Variants in HLA-F observed in about 807,000 individuals in gnomAD.
The protein encoded by HLA-F is major histocompatibility complex, class I, F.
Under a neutral mutation model 49.5 loss-of-function variants are expected in HLA-F, and 46 were observed. The observed-to-expected ratio is 0.93, with a 90% CI of 0.73 to 1.19. HLA-F has a LOEUF of 1.19. HLA-F is among the 50% of genes most tolerant of loss of function. The pLI, the probability that HLA-F is intolerant of heterozygous loss-of-function variation, is 0.00. For missense variants in HLA-F, 496 were observed against 579.6 expected (o/e 0.86, Z 1.48); for synonymous variants, 203 against 233.5 (o/e 0.87, Z 1.19).
At chr6:29,736,221 A>G (rs746454312) in intron 3 of HLA-F, 20 of 359,590 alleles carry the variant, frequency 5.6e-5, no homozygotes, top group Non-Finnish European at 8.7e-5. Flanking sequence ...CTGGGGCATC[A>G]TTTCACACCC....
chr6:29,726,155 G>A (rs761402078), intron 6 of HLA-F, 112 bp downstream of exon 6: 3 of 1,155,696 alleles, frequency 2.6e-6, no homozygotes, highest in Admixed American at 1.7e-5. Context: ...GCTCTGACCA[G>A]GTCCTGTTTT....
In HLA-F at chr6:29,727,225, T is replaced by C; in HGVS notation, c.*50T>C. 2 of 1,116,676 alleles carry C rather than the reference T, an allele frequency of 1.8e-6. No homozygotes were observed. Among genetic ancestry groups the C allele is most frequent in the South Asian group, 1.5e-5 (1 of 65,630 alleles). 69.2% of individuals were successfully genotyped at this position (1,116,676 alleles called of 1,614,324 possible). On this transcript the variant is annotated 3_prime_UTR_variant, in exon 7 of 7. Transcript: ENST00000259951. ...CCCATGATACTAGACCACTAAATAC[T>C]TCATCACACACCTCCTAAGAATAAG...
intron 4 of HLA-F, chr6:29,738,360 G>A (rs1371321741): frequency 6.6e-6 from 1 of 152,090 alleles, no homozygotes; most frequent in Admixed American, 6.5e-5. Context: ...GGTTCTCCCT[G>A]GTTCTTCAAT....
chr6:29,724,387 C>G lies in HLA-F; in HGVS notation c.549C>G (p.Gly183=). The change falls in exon 3 of 7, where the codon GGC becomes GGG. Residue 183 remains glycine (G), a synonymous_variant. Transcript: ENST00000259951. The part of the protein sequence containing the change: ...YAEEFRTYLE[G]ECLELLRRYL... The stretch of plus-strand genomic sequence containing the variant: ...AGGAGTTCAGGACCTACCTGGAGGG[C>G]GAGTGCCTGGAGTTGCTCCGCAGAT... The G allele has an allele frequency of 6.2e-7, 1 of 1,613,226 alleles. No homozygotes were observed. Among genetic ancestry groups the G allele is most frequent in the Non-Finnish European group, 8.5e-7 (1 of 1,180,024 alleles).
chr6:29,728,637 A>G (rs1776324286), downstream of HLA-F: 1 of 152,256 alleles, frequency 6.6e-6, no homozygotes, highest in Non-Finnish European at 1.5e-5. Context: ...CCAATGTCAA[A>G]TTCCATCAAA....
chr6:29,725,624 A>C, intron 5 of HLA-F, 61 bp downstream of exon 5: 12 of 1,386,074 alleles, frequency 8.7e-6, no homozygotes, highest in African/African-American at 1.4e-5. Context: ...TGCAAGCCCC[A>C]AGTAGAAGTG....
At chr6:29,737,237 A>AG (rs1467322895) in intron 3 of HLA-F, among the ~76,000 whole-genome samples, 2 of 150,452 alleles carry the variant, frequency 1.3e-5, no homozygotes, top group African/African-American at 4.9e-5. Context: ...AAAAAAAAAA[A>AG]AAAACCCTGA....
chr6:29,728,092 T>TC, downstream of HLA-F: 1 of 518,934 alleles, frequency 1.9e-6, no homozygotes, highest in South Asian at 1.4e-5. Context: ...GCTACCAGCA[T>TC]CTTGTGGGGA....
intron 3 of HLA-F, among the ~76,000 whole-genome samples, chr6:29,733,217 C>T (rs1245530786): frequency 7.9e-6 from 1 of 126,346 alleles, no homozygotes; most frequent in Non-Finnish European, 1.8e-5. Context: ...AAAAACAAAC[C>T]ACCACCAACA....
At chr6:29,726,768 G>C (rs1233008660) in intron 6 of HLA-F, 115 bp from the exon 7 acceptor site, 1 of 1,272,686 alleles carries the variant, frequency 7.9e-7, no homozygotes, top group Non-Finnish European at 1.1e-6. Flanking sequence ...TCAGAGTGTT[G>C]ACTTTGGCCA....
At chr6:29,726,244 G>A (rs1776057624) in intron 6 of HLA-F, 2 of 944,982 alleles carry the variant, frequency 2.1e-6, no homozygotes, top group Non-Finnish European at 1.8e-6. Flanking sequence ...TCCAGGGCAG[G>A]GGCCCTGATG....
At chr6:29,726,291 C>G (rs1776070887) in intron 6 of HLA-F, 1 of 1,167,958 alleles carries the variant, frequency 8.6e-7, no homozygotes, top group Non-Finnish European at 1.3e-6. Flanking sequence ...GGGGACTCAG[C>G]TGTGCTATTG....
At chr6:29,724,024 G>T in intron 2 of HLA-F, 97 bp downstream of exon 2, 1 of 1,547,562 alleles carries the variant, frequency 6.5e-7, no homozygotes, top group Non-Finnish European at 8.7e-7. Flanking sequence ...AATCTACCCC[G>T]AGGCAGCGGG....
intron 3 of HLA-F, among the ~76,000 whole-genome samples, chr6:29,733,508 C>T (rs933670707): frequency 3.3e-5 from 5 of 152,202 alleles, no homozygotes; most frequent in Non-Finnish European, 7.4e-5. Flanking sequence ...GTCCCAGCTA[C>T]TCAGGAGGCT....
chr6:29,727,822 G>T (rs11758975), downstream of HLA-F: 1 of 415,330 alleles, frequency 2.4e-6, no homozygotes, highest in South Asian at 1.8e-5. Context: ...ACGAGCTTTA[G>T]TTCCCCATAC....
rs1413858773 is a variant in HLA-F, at chr6:29,725,197, T to C, written c.777T>C (p.Asp259=). The change falls in exon 4 of 7, where the codon GAT becomes GAC. Residue 259 remains aspartate (D), a synonymous_variant. Coordinates refer to ENST00000259951, the MANE Select transcript of HLA-F (RefSeq NM_001098479.2). The part of the protein sequence containing the change: ...TELVETRPAG[D]GTFQKWAAVV... ...TTGTGGAGACCAGGCCTGCAGGGGATGGAACCTTCCAGAAGTGGGCCGCTG... is the reference window on the plus strand; with the variant it reads ...TTGTGGAGACCAGGCCTGCAGGGGACGGAACCTTCCAGAAGTGGGCCGCTG... 6.2e-7 allele frequency: 1 copy of C among 1,613,908 alleles called. No homozygotes were observed. The highest frequency in any genetic ancestry group is 8.5e-7 in the Non-Finnish European group (1 of 1,179,928).
chr6:29,727,184 A>G lies in HLA-F; in HGVS notation c.*9A>G, dbSNP rs769185367. The G allele has an allele frequency of 4.5e-6, 7 of 1,561,516 alleles. No individual in the cohort carries two copies. The Admixed American group carries it at 1.4e-4, about 31-fold the overall frequency. ...TTAAGATTTTTGACTGAGTCATTCT[A>G]AAGTAAGTTGCAAGACCCATGATAC... On this transcript the variant is annotated 3_prime_UTR_variant, in exon 7 of 7. Coordinates refer to ENST00000259951, the MANE Select transcript of HLA-F (RefSeq NM_001098479.2).
chr6:29,728,482 C>T, downstream of HLA-F: 1 of 173,932 alleles, frequency 5.7e-6, no homozygotes, highest in South Asian at 1.3e-4. Context: ...CTTCTGCCAA[C>T]AGGCCGCAAT....
downstream of HLA-F, chr6:29,728,408 T>G: frequency 4.1e-6 from 1 of 243,402 alleles, no homozygotes; most frequent in Non-Finnish European, 8.3e-6. Flanking sequence ...TGTGCACACA[T>G]GACTTCATTA....
Sources: allele counts gnomAD v4.1 joint callset (sites outside exome capture counted in the v4.1 genomes callset), GRCh38; gene constraint gnomAD v4.1.1; transcripts MANE v1.5; gene names NCBI Gene and HGNC (gene_info 2026-07-23, HGNC 2026-07-21).